The following PDE4DIP variants were observed in gnomAD, a reference collection of about 807,000 sequenced individuals.
The protein encoded by PDE4DIP is myomegalin.
Under a neutral mutation model 221.4 loss-of-function variants are expected in PDE4DIP, and 59 were observed. The observed-to-expected ratio is 0.27, with a 90% CI of 0.22 to 0.33. PDE4DIP has a LOEUF of 0.33. Ranked by LOEUF, PDE4DIP falls within the 10% of genes least tolerant of loss-of-function variation. The pLI, the probability that PDE4DIP is intolerant of heterozygous loss-of-function variation, is 1.00. For synonymous variants in PDE4DIP, 404 were observed against 815.9 expected, an observed-to-expected ratio of 0.50 and a Z score of 8.60; for missense variants, 1,036 against 2,154.2, an observed-to-expected ratio of 0.48 and a Z score of 10.28.
intron 1 of PDE4DIP, among the ~76,000 whole-genome samples, chr1:148,859,416 T>G (rs1348966951): frequency 6.6e-6 from 1 of 151,118 alleles, no homozygotes; most frequent in African/African-American, 2.4e-5. Context: ...ACTTGGAAAA[T>G]GCTTGGTACT....
rs1470013218 is a variant in PDE4DIP, at chr1:148,857,367, T to TC, written c.234-5883_234-5882insC. On this transcript the variant is annotated intron_variant, in intron 1 of 45. Coordinates refer to the PDE4DIP transcript ENST00000524974. ...CAAATCTTAGCCCCTTTCTTTTTTT[T>TC]TTTTTTTTTTTTGAGACGGAGTCTC... is the stretch of plus-strand genomic sequence containing the variant. Among the ~76,000 whole-genome samples, 2 of 45,838 alleles carry TC rather than the reference T, an allele frequency of 4.4e-5. 1 individual carries two copies. The highest frequency in any genetic ancestry group is 7.3e-5 in the Non-Finnish European group (2 of 27,296). 30.1% of individuals were successfully genotyped at this position (45,838 alleles called of 152,430 possible).
At chr1:148,869,802 G>T (rs1296379504) in intron 3 of PDE4DIP, among the ~76,000 whole-genome samples, 2 of 106,036 alleles carry the variant, frequency 1.9e-5, no homozygotes, top group African/African-American at 8.2e-5. Context: ...AAAAAAAAAA[G>T]GAAGAAAGAA....
intron 21 of PDE4DIP, chr1:148,984,213 C>G (rs1267173551): frequency 6.6e-6 from 1 of 152,018 alleles, no homozygotes; most frequent in Non-Finnish European, 1.5e-5. Flanking sequence ...AGTAGGTCAG[C>G]CTTTTCCTTT....
At chr1:148,960,132 A>G (rs2056544100) in intron 5 of PDE4DIP, among the ~76,000 whole-genome samples, 2 of 152,312 alleles carry the variant, frequency 1.3e-5, no homozygotes, top group Admixed American at 1.3e-4. Flanking sequence ...ACAATTATCA[A>G]ATTTAGAAAA....
rs10699564 is a variant in PDE4DIP at position 148,819,916 on chromosome 1, C to CTTTTTT, written c.233+11203_233+11208dup. 3.2e-4 allele frequency among the ~76,000 whole-genome samples: 11 copies of CTTTTTT among 34,806 alleles called. 1 individual carries two copies. The highest frequency in any genetic ancestry group is 6.1e-4 in the African/African-American group (3 of 4,928). The allele number at this position is 34,806 out of a possible 152,430, so 22.8% of individuals were successfully genotyped here. ...ACTTAATATTGAAATCTGTTTATATCTTTTTTTTTTTTTTTTTTTTTTTTT... is the reference window on the plus strand; with the variant it reads ...ACTTAATATTGAAATCTGTTTATATCTTTTTTTTTTTTTTTTTTTTTTTTTTTTTTT... On this transcript the variant is annotated intron_variant, in intron 1 of 45. Coordinates refer to the PDE4DIP transcript ENST00000524974.
chr1:148,981,621 A>C, intron 21 of PDE4DIP: 1 of 511,874 alleles, frequency 2.0e-6, no homozygotes, highest in Non-Finnish European at 3.5e-6. Flanking sequence ...CTGTACATAC[A>C]TATCAATCCC....
exon 41 of PDE4DIP, chr1:149,028,584 G>A: frequency 6.2e-7 from 1 of 1,610,882 alleles, no homozygotes; most frequent in South Asian, 1.1e-5. Context: ...AGGTATTCAT[G>A]AGCTTCGGAG....
At chr1:149,004,992 G>C in exon 27 of PDE4DIP, 2 of 1,296,302 alleles carry the variant, frequency 1.5e-6, no homozygotes, top group South Asian at 1.2e-5. Context: ...CTCAACACTG[G>C]CTAGTTCCTC....
At chr1:148,902,758 T>C (rs1573012394) in intron 1 of PDE4DIP, among the ~76,000 whole-genome samples, 1 of 106,020 alleles carries the variant, frequency 9.4e-6, no homozygotes, top group Admixed American at 9.8e-5. Flanking sequence ...CATATATATA[T>C]ATATGTGTGT....
chr1:149,015,732 C>T (rs1310909387), intron 32 of PDE4DIP, among the ~76,000 whole-genome samples: 1 of 150,290 alleles, frequency 6.7e-6, no homozygotes, highest in Non-Finnish European at 1.5e-5. Context: ...ACTTGCCTTA[C>T]ATAGGCCCTT....
intron 21 of PDE4DIP, chr1:148,985,154 A>G (rs2061698060): frequency 6.6e-6 from 1 of 151,970 alleles, no homozygotes; most frequent in Non-Finnish European, 1.5e-5. Context: ...AGCACAGAGT[A>G]TTTTCTCTGA....
At chr1:148,992,402 T>A (rs2063317771) in intron 22 of PDE4DIP, 1 of 1,454,656 alleles carries the variant, frequency 6.9e-7, no homozygotes, top group East Asian at 2.5e-5. Context: ...GGGAAGAAAC[T>A]CCAAGAAGAT....
chr1:148,997,823 CGTATT>C (rs2064641693), intron 22 of PDE4DIP, among the ~76,000 whole-genome samples: 1 of 152,208 alleles, frequency 6.6e-6, no homozygotes, highest in African/African-American at 2.4e-5. Flanking sequence ...AAAGAATCAC[CGTATT>C]CACACCCTCC....
intron 32 of PDE4DIP, among the ~76,000 whole-genome samples, chr1:149,013,300 G>A (rs2069217597): frequency 7.2e-6 from 1 of 137,972 alleles, no homozygotes; most frequent in African/African-American, 2.7e-5. Context: ...TTTTCCTACT[G>A]CACAGGGTTG....
intron 32 of PDE4DIP, among the ~76,000 whole-genome samples, chr1:149,013,177 T>C (rs1378397339): frequency 4.6e-5 from 7 of 152,234 alleles, no homozygotes; most frequent in African/African-American, 1.7e-4. Context: ...TTTGTGTGGC[T>C]ATTATGTTTT....
At chr1:148,923,703 G>A (rs1197855254) in intron 1 of PDE4DIP, among the ~76,000 whole-genome samples, 5 of 145,038 alleles carry the variant, frequency 3.4e-5, no homozygotes, top group Non-Finnish European at 6.0e-5. Flanking sequence ...TCGATCTCCC[G>A]ACCTCGTGAT....
chr1:148,963,857 C>T (rs1553515173), intron 9 of PDE4DIP, among the ~76,000 whole-genome samples: 1 of 142,182 alleles, frequency 7.0e-6, no homozygotes, highest in Non-Finnish European at 1.5e-5. Context: ...GGGTTCACGC[C>T]ATTCTCCTGC....
chr1:149,024,341 C>G (rs1182293069), intron 37 of PDE4DIP, 104 bp from the exon 41 acceptor site: 15 of 796,282 alleles, frequency 1.9e-5, no homozygotes, highest in Non-Finnish European at 3.1e-5. Context: ...GCATGAGACT[C>G]AGATGATAGT....
chr1:149,024,658 C>A (rs370872065), exon 38 of PDE4DIP: 3 of 657,136 alleles, frequency 4.6e-6, no homozygotes, highest in Non-Finnish European at 7.9e-6. Context: ...AGCACTGACC[C>A]TGGAAACAAG....
Sources: allele counts gnomAD v4.1 joint callset (sites outside exome capture counted in the v4.1 genomes callset), GRCh38; gene constraint gnomAD v4.1.1; transcripts MANE v1.5; gene names NCBI Gene and HGNC (gene_info 2026-07-23, HGNC 2026-07-21).